CLCA4: variants seen among roughly 807,000 people sequenced by gnomAD.
CLCA4 encodes the protein calcium-activated chloride channel regulator 4.
Under a neutral mutation model 78.9 loss-of-function variants are expected in CLCA4, and 69 were observed. That is an observed-to-expected ratio of 0.87 (90% CI 0.72 to 1.07). The LOEUF is 1.07. CLCA4 is among the 50% of genes least tolerant of loss of function. CLCA4 has a pLI of 0.00. For synonymous variants in CLCA4, 362 were observed against 375.8 expected (o/e 0.96, Z 0.42); for missense variants, 1,133 against 1,095.8 (o/e 1.03, Z -0.48).
At position 86,579,547 on chromosome 1, in the gene CLCA4, T is replaced by C. The variant is rs1650641602; in HGVS notation, c.2316T>C (p.Leu772=). Residue 772 remains leucine (L), a synonymous_variant, in exon 13 of 14, where the codon CTT becomes CTC. Transcript: ENST00000370563. ...CAGTTCATGAGGATAAGATTATTCT[T>C]ACATGGACAGCACCAGGAGATAATT... ...DATVHEDKII[L]TWTAPGDNFD... The C allele has an allele frequency of 3.1e-6, 5 of 1,612,330 alleles. No individual in the cohort carries two copies. The highest frequency in any genetic ancestry group is 4.2e-6 in the Non-Finnish European group (5 of 1,178,962).
At chr1:86,577,182 T>C (rs1650545942) in intron 11 of CLCA4, among the ~76,000 whole-genome samples, 1 of 152,112 alleles carries the variant, frequency 6.6e-6, no homozygotes, top group South Asian at 2.1e-4. Context: ...ATGCACCATG[T>C]TTCCCTTCTC....
chr1:86,575,013 T>C (rs1165187954), intron 10 of CLCA4, among the ~76,000 whole-genome samples: 1 of 151,948 alleles, frequency 6.6e-6, no homozygotes, highest in Admixed American at 6.6e-5. Flanking sequence ...TCTATGCAAA[T>C]TGGTGGGTAG....
chr1:86,562,883 A>T (rs1244529704), intron 3 of CLCA4, among the ~76,000 whole-genome samples: 2 of 151,340 alleles, frequency 1.3e-5, no homozygotes, highest in Non-Finnish European at 3.0e-5. Flanking sequence ...AAGAAGAAAG[A>T]AAAAGAAAAG....
At chr1:86,549,622 G>T (rs776636400) in intron 1 of CLCA4, among the ~76,000 whole-genome samples, 24 of 152,194 alleles carry the variant, frequency 1.6e-4, no homozygotes, top group Non-Finnish European at 3.2e-4. Flanking sequence ...GAACAGGGAG[G>T]TTGTGGTAAA....
rs572209269 is a variant in CLCA4, at chr1:86,559,963, T to C, written c.191T>C (p.Phe64Ser). The change falls in exon 2 of 14, where the codon TTT (phenylalanine) becomes TCT (serine). Residue 64 changes from phenylalanine to serine, a missense_variant. Coordinates refer to ENST00000370563, the MANE Select transcript of CLCA4 (RefSeq NM_012128.4). ...GTGACTACAGCTTCTACGTACCTGT[T>C]TGAAGCCACAGAAAAAAGATTTTTT... is the stretch of plus-strand genomic sequence containing the variant. Reference protein sequence around the residue: ...DMVTTASTYLFEATEKRFFFK... With the variant: ...DMVTTASTYLSEATEKRFFFK... 1.9e-5 allele frequency: 30 copies of C among 1,604,100 alleles called. 1 individual carries two copies. The South Asian group carries it at 3.4e-4, about 18-fold the overall frequency.
At chr1:86,569,170 T>A (rs918724696) in intron 7 of CLCA4, among the ~76,000 whole-genome samples, 44 of 151,986 alleles carry the variant, frequency 2.9e-4, no homozygotes, top group Admixed American at 2.6e-4. Context: ...GTGTTGTGAA[T>A]AAACGAAACA....
chr1:86,553,169 GC>G, intron 1 of CLCA4: 1 of 1,102,510 alleles, frequency 9.1e-7, no homozygotes, highest in Non-Finnish European at 1.4e-6. Context: ...TGAGGATTGA[GC>G]GGCACAGGTT....
intron 8 of CLCA4, chr1:86,571,505 G>A (rs532052869): frequency 3.1e-6 from 1 of 319,494 alleles, no homozygotes; most frequent in African/African-American, 2.1e-5. Context: ...TATGTGAGCA[G>A]AGGAAGCCAT....
At chr1:86,551,004 T>C (rs1352911856) in intron 1 of CLCA4, among the ~76,000 whole-genome samples, 7 of 151,804 alleles carry the variant, frequency 4.6e-5, no homozygotes, top group Non-Finnish European at 1.0e-4. Context: ...GCTAATTTTT[T>C]GTATTTTTAG....
Position 86,572,804 on chromosome 1 carries a change from T to C in CLCA4, c.1467+84T>C, listed in dbSNP as rs776488740. On this transcript the variant is annotated intron_variant, in intron 9 of 13. Coordinates refer to ENST00000370563, the MANE Select transcript of CLCA4 (RefSeq NM_012128.4). The stretch of plus-strand genomic sequence containing the variant: ...TGGTGGTTATAAGTTTTGAGTTCCA[T>C]ATTTTTCTCAAAGTAAATTTTTAAT... 106 of 811,278 alleles carry C rather than the reference T, an allele frequency of 1.3e-4. No individual in the cohort carries two copies. The Middle Eastern group carries it at 1.3e-3, about 10-fold the overall frequency. 50.3% of individuals were successfully genotyped at this position (811,278 alleles called of 1,614,324 possible). A position where few individuals can be genotyped will look rare whatever the true frequency, so the allele number is the denominator to read the frequency against.
intron 1 of CLCA4, among the ~76,000 whole-genome samples, chr1:86,555,681 G>C (rs1649819138): frequency 6.6e-6 from 1 of 152,118 alleles, no homozygotes; most frequent in Non-Finnish European, 1.5e-5. Flanking sequence ...GGCTGTTCAG[G>C]CTCTTTTTTA....
intron 11 of CLCA4, among the ~76,000 whole-genome samples, chr1:86,577,546 A>G (rs1305966498): frequency 1.3e-5 from 2 of 152,124 alleles, no homozygotes; most frequent in African/African-American, 4.8e-5. Context: ...GTGTGTTTAG[A>G]GAAAGCAAGC....
intron 4 of CLCA4, 150 bp from the exon 5 acceptor site, chr1:86,565,124 C>A: frequency 1.9e-6 from 1 of 514,534 alleles, no homozygotes. Flanking sequence ...TGATTGGAAC[C>A]CTTAAACCCT....
At chr1:86,570,489 C>T (rs1650318466) in intron 7 of CLCA4, among the ~76,000 whole-genome samples, 1 of 151,958 alleles carries the variant, frequency 6.6e-6, no homozygotes, top group African/African-American at 2.4e-5. Context: ...TTAAGCATCA[C>T]CAATATGCTT....
At chr1:86,547,728 C>G (rs1358963001) in intron 1 of CLCA4, among the ~76,000 whole-genome samples, 2 of 152,138 alleles carry the variant, frequency 1.3e-5, no homozygotes, top group Admixed American at 1.3e-4. Flanking sequence ...ATTTATCTCT[C>G]TGTGCCTGGC....
intron 5 of CLCA4, 59 bp downstream of exon 5, chr1:86,565,510 T>G: frequency 1.5e-6 from 2 of 1,338,504 alleles, no homozygotes; most frequent in Non-Finnish European, 2.1e-6. Context: ...TGTCATGTTT[T>G]TAAAGTATCT....
chr1:86,557,336 G>A (rs918677558), intron 1 of CLCA4, among the ~76,000 whole-genome samples: 3 of 152,100 alleles, frequency 2.0e-5, no homozygotes, highest in Admixed American at 1.3e-4. Context: ...ACTTTTTGAT[G>A]TGGGTATTTA....
rs754394512 is a variant in CLCA4 at position 86,560,353 on chromosome 1, C to T, written c.443C>T (p.Pro148Leu). Residue 148 changes from proline (P) to leucine (L), a missense_variant, in exon 3 of 14, where the codon CCA (proline) becomes CTA (leucine). Pro to Leu is a moderately conservative substitution (Grantham distance 98). Coordinates refer to ENST00000370563, the MANE Select transcript of CLCA4 (RefSeq NM_012128.4). ...GGAAAAAAACAAAATGAATATGGAC[C>T]ACCAGGTAGAAATTTTGGTTAAAAA... ...LLGKKQNEYG[P>L]PGKLFVHEWA... The T allele has an allele frequency of 6.2e-7, 1 of 1,612,974 alleles. No homozygotes were observed. Among genetic ancestry groups the T allele is most frequent in the Non-Finnish European group, 8.5e-7 (1 of 1,179,726 alleles).
chr1:86,577,081 T>G (rs908867991), intron 11 of CLCA4, among the ~76,000 whole-genome samples: 7 of 152,114 alleles, frequency 4.6e-5, no homozygotes, highest in African/African-American at 1.7e-4. Context: ...TTTGTGTACC[T>G]CAATGCCTTC....
Sources: gnomAD v4.1 joint callset for allele counts (sites outside exome capture counted in the v4.1 genomes callset) on GRCh38, gnomAD v4.1.1 for gene constraint, MANE v1.5 for transcripts, NCBI Gene and HGNC (gene_info 2026-07-23, HGNC 2026-07-21) for gene names.